Variants in TRAPPC12 observed in about 807,000 individuals in gnomAD.
TRAPPC12 encodes trafficking protein particle complex subunit 12.
Under a neutral mutation model 69.2 loss-of-function variants are expected in TRAPPC12, and 61 were observed. That is an observed-to-expected ratio of 0.88 (90% CI 0.72 to 1.09). The LOEUF (loss-of-function observed/expected upper bound fraction) is 1.09. Ranked by LOEUF, TRAPPC12 falls within the 50% of genes least tolerant of loss-of-function variation. TRAPPC12 has a pLI of 0.00. For missense variants in TRAPPC12, 1,101 were observed against 1,016.4 expected, an observed-to-expected ratio of 1.08 and a Z score of -1.13; for synonymous variants, 469 against 438.9, an observed-to-expected ratio of 1.07 and a Z score of -0.86.
intron 8 of TRAPPC12, chr2:3,462,956 G>C: frequency 2.1e-6 from 1 of 471,122 alleles, no homozygotes; most frequent in Non-Finnish European, 4.4e-6. Context: ...AAATTAGACT[G>C]CAGAAGTCCT....
chr2:3,409,450 A>G (rs897872130), intron 3 of TRAPPC12, among the ~76,000 whole-genome samples: 4 of 152,210 alleles, frequency 2.6e-5, no homozygotes, highest in African/African-American at 9.6e-5. Context: ...AAATGATTAT[A>G]CAAAGAAAAT....
intron 2 of TRAPPC12, among the ~76,000 whole-genome samples, chr2:3,400,605 G>A (rs1174206862): frequency 2.0e-5 from 3 of 152,194 alleles, no homozygotes; most frequent in Non-Finnish European, 4.4e-5. Flanking sequence ...TGTGAGAGGC[G>A]TCTCCTGCCG....
At chr2:3,467,812 T>A (rs1658755527) in intron 9 of TRAPPC12, 1 of 152,336 alleles carries the variant, frequency 6.6e-6, no homozygotes, top group Non-Finnish European at 1.5e-5. Flanking sequence ...AGACCTCTCC[T>A]GTGTTGGGAC....
intron 5 of TRAPPC12, among the ~76,000 whole-genome samples, chr2:3,438,595 T>A: frequency 1.6e-5 from 1 of 64,202 alleles, no homozygotes; most frequent in African/African-American, 6.2e-5. Context: ...CCCATCCCCC[T>A]GGGTTAATCC....
intron 6 of TRAPPC12, among the ~76,000 whole-genome samples, chr2:3,449,914 C>T (rs868666448): frequency 6.6e-6 from 1 of 152,250 alleles, no homozygotes; most frequent in African/African-American, 2.4e-5. Flanking sequence ...GGATGGCCAT[C>T]CATCGAGGCC....
At chr2:3,389,543 G>C (rs1660702634) in intron 2 of TRAPPC12, 2 of 401,070 alleles carry the variant, frequency 5.0e-6, no homozygotes, top group Non-Finnish European at 1.0e-5. Context: ...CCCGAGAGGG[G>C]ATGTTACAGC....
At chr2:3,461,316 C>T (rs1369109047) in intron 8 of TRAPPC12, among the ~76,000 whole-genome samples, 4 of 152,246 alleles carry the variant, frequency 2.6e-5, no homozygotes. Context: ...GTGGCTCAGG[C>T]ATTCCATCAG....
At chr2:3,478,575 G>A (rs374465361) in intron 10 of TRAPPC12, 11 of 290,578 alleles carry the variant, frequency 3.8e-5, no homozygotes, top group East Asian at 7.2e-5. Context: ...CGGAGGTTGC[G>A]GTGAGCCGAG....
chr2:3,392,560 A>G (rs1660884057), intron 2 of TRAPPC12, among the ~76,000 whole-genome samples: 1 of 152,208 alleles, frequency 6.6e-6, no homozygotes, highest in Admixed American at 6.5e-5. Context: ...AAAATGACTA[A>G]TTGTATTTCT....
chr2:3,392,620 T>C (rs970991434), intron 2 of TRAPPC12, among the ~76,000 whole-genome samples: 2 of 152,198 alleles, frequency 1.3e-5, no homozygotes, highest in African/African-American at 2.4e-5. Context: ...GCACTAATTA[T>C]CAGGGAAATG....
At chr2:3,419,428 T>C (rs868396098) in intron 3 of TRAPPC12, among the ~76,000 whole-genome samples, 11 of 152,328 alleles carry the variant, frequency 7.2e-5, no homozygotes, top group South Asian at 4.1e-4. Flanking sequence ...TAGTAAATTA[T>C]CGTAACCAAT....
intron 3 of TRAPPC12, among the ~76,000 whole-genome samples, chr2:3,408,921 C>T (rs1661880093): frequency 6.6e-6 from 1 of 152,208 alleles, no homozygotes; most frequent in South Asian, 2.1e-4. Context: ...CACACGTGCA[C>T]CTGTTCCCAC....
chr2:3,449,677 A>G (rs768303119), intron 6 of TRAPPC12, among the ~76,000 whole-genome samples: 1 of 152,186 alleles, frequency 6.6e-6, no homozygotes, highest in Non-Finnish European at 1.5e-5. Flanking sequence ...AGTTAGAAAC[A>G]TAAGTGAGAA....
At chr2:3,474,003 T>C (rs1666181538) in intron 9 of TRAPPC12, among the ~76,000 whole-genome samples, 1 of 152,136 alleles carries the variant, frequency 6.6e-6, no homozygotes, top group Non-Finnish European at 1.5e-5. Context: ...CTCACAGCCA[T>C]GGACTGCAGG....
intron 9 of TRAPPC12, among the ~76,000 whole-genome samples, chr2:3,474,578 T>C (rs763425968): frequency 2.0e-5 from 3 of 152,250 alleles, no homozygotes; most frequent in Non-Finnish European, 2.9e-5. Context: ...ACGGAAACAC[T>C]GACCATGTGT....
chr2:3,432,303 T>G (rs1338374672), intron 5 of TRAPPC12, among the ~76,000 whole-genome samples: 2 of 152,298 alleles, frequency 1.3e-5, no homozygotes, highest in East Asian at 1.9e-4. Context: ...GGCAAACACT[T>G]CCATTAATCG....
chr2:3,411,098 C>T (rs12615691), intron 3 of TRAPPC12, among the ~76,000 whole-genome samples: 39,509 of 152,148 alleles, frequency 0.26, 5,303 homozygotes, highest in East Asian at 0.41. Flanking sequence ...CAGAATTGAA[C>T]ATCAGGAGAT....
At chr2:3,466,246 C>T (rs1444538597) in intron 9 of TRAPPC12, 1 of 470,952 alleles carries the variant, frequency 2.1e-6, no homozygotes, top group Non-Finnish European at 4.4e-6. Flanking sequence ...TCAATCCCAC[C>T]CTTGCAGGCG....
At chr2:3,401,708 T>C in intron 2 of TRAPPC12, 69 bp from the exon 3 acceptor site, 2 of 1,009,774 alleles carry the variant, frequency 2.0e-6, no homozygotes, top group Non-Finnish European at 2.8e-6. Flanking sequence ...TGTTTAGTTA[T>C]GGGTTCTGGT....
Sources: gnomAD v4.1 joint callset for allele counts (sites outside exome capture counted in the v4.1 genomes callset) on GRCh38, gnomAD v4.1.1 for gene constraint, MANE v1.5 for transcripts, NCBI Gene and HGNC (gene_info 2026-07-23, HGNC 2026-07-21) for gene names.